CA10: variants seen among roughly 807,000 people sequenced by gnomAD.
The protein encoded by CA10 is carbonic anhydrase 10 (inactive), also known as carbonic anhydrase-related protein 10.
In CA10, 14 loss-of-function variants were observed where a neutral mutation model predicts 44.2. That is an observed-to-expected ratio of 0.32 (90% CI 0.21 to 0.50). The LOEUF (loss-of-function observed/expected upper bound fraction) is 0.50, where lower values mean the gene tolerates loss of function less well. Among genes scored for constraint, CA10 ranks in the 20% least tolerant of loss-of-function variants. CA10 has a pLI of 0.99. For synonymous variants in CA10, 159 were observed against 141.6 expected (o/e 1.12, Z -0.87); for missense variants, 350 against 409.7 (o/e 0.85, Z 1.26).
intron 3 of CA10, among the ~76,000 whole-genome samples, chr17:51,760,245 T>C (rs1415746831): frequency 6.6e-6 from 1 of 152,184 alleles, no homozygotes; most frequent in Admixed American, 6.5e-5. Flanking sequence ...AAATAGCAAA[T>C]GTTTGGGGGA....
intron 2 of CA10, chr17:52,070,375 C>T (rs1598198848): frequency 6.6e-6 from 1 of 152,322 alleles, no homozygotes; most frequent in East Asian, 1.9e-4. Flanking sequence ...TATACTGACT[C>T]AACATGCACC....
intron 1 of CA10, among the ~76,000 whole-genome samples, chr17:52,092,003 C>A (rs559482787): frequency 3.9e-5 from 6 of 152,328 alleles, no homozygotes; most frequent in Non-Finnish European, 7.4e-5. Flanking sequence ...ACACAAACTT[C>A]TACATACCGA....
chr17:51,674,969 T>C (rs868218030), intron 4 of CA10, among the ~76,000 whole-genome samples: 1 of 152,188 alleles, frequency 6.6e-6, no homozygotes, highest in African/African-American at 2.4e-5. Context: ...TGTAAGAAAA[T>C]TGCGCTGCTG....
chr17:52,152,426 C>A (rs1199176993), intron 1 of CA10, among the ~76,000 whole-genome samples: 1 of 152,104 alleles, frequency 6.6e-6, no homozygotes, highest in Non-Finnish European at 1.5e-5. Flanking sequence ...CTTTAGCGTA[C>A]ATCCTCTTGT....
intron 3 of CA10, among the ~76,000 whole-genome samples, chr17:51,842,681 T>G (rs981974740): frequency 1.3e-5 from 2 of 152,166 alleles, no homozygotes; most frequent in Non-Finnish European, 2.9e-5. Context: ...TATGTATAAC[T>G]GATCATTTAT....
chr17:52,058,085 T>A (rs1567718716), intron 2 of CA10, among the ~76,000 whole-genome samples: 1 of 152,062 alleles, frequency 6.6e-6, no homozygotes, highest in Admixed American at 6.6e-5. Flanking sequence ...AGTGCTGAAA[T>A]ATATATGCAG....
chr17:51,661,982 T>C (rs1239570090), intron 4 of CA10: 2 of 152,230 alleles, frequency 1.3e-5, no homozygotes, highest in Non-Finnish European at 2.9e-5. Context: ...TGGGTTCCAG[T>C]AAAGCTACAG....
intron 4 of CA10, among the ~76,000 whole-genome samples, chr17:51,675,689 C>T (rs961517673): frequency 2.6e-5 from 4 of 151,530 alleles, no homozygotes; most frequent in African/African-American, 9.7e-5. Context: ...GTACTCCAGC[C>T]TGGGCGAAAG....
intron 3 of CA10, among the ~76,000 whole-genome samples, chr17:51,805,145 C>T (rs564705608): frequency 3.9e-5 from 6 of 152,334 alleles, no homozygotes; most frequent in South Asian, 2.1e-4. Flanking sequence ...GTTCCAGCTA[C>T]GTTTGCCACT....
At chr17:51,909,726 T>C (rs1981712422) in intron 3 of CA10, among the ~76,000 whole-genome samples, 1 of 152,146 alleles carries the variant, frequency 6.6e-6, no homozygotes, top group Non-Finnish European at 1.5e-5. Context: ...AAAAGCATCC[T>C]ATTCTCTTAG....
Position 51,794,606 on chromosome 17 carries a change from A to G in CA10, c.280-46788T>C, listed in dbSNP as rs116891924. 5.4e-3 allele frequency among the ~76,000 whole-genome samples: 819 copies of G among 152,374 alleles called. 5 individuals carry two copies. The highest frequency in any genetic ancestry group is 8.9e-3 in the Non-Finnish European group (608 of 68,036). On this transcript the variant is annotated intron_variant, in intron 3 of 8. Transcript: ENST00000451037. ...ACCATATAAGTATCATGTGTTATATATCTATATATACACTACATATAACAT... is the reference window on the plus strand; with the variant it reads ...ACCATATAAGTATCATGTGTTATATGTCTATATATACACTACATATAACAT...
rs1276980005 is a variant in CA10, at chr17:51,821,091, C to CCCTCCCTTCCTT, written c.280-73274_280-73273insAAGGAAGGGAGG. On this transcript the variant is annotated intron_variant, in intron 3 of 8. Coordinates refer to ENST00000451037, the MANE Select transcript of CA10 (RefSeq NM_020178.5). Reference sequence around the variant, plus strand: ...TCCCTTCCTTCCTCCCTCCCTCCCTCCCTTCCTTCCTTCCTTCCTTTCCTT... The same window carrying CCCTCCCTTCCTT: ...TCCCTTCCTTCCTCCCTCCCTCCCTCCCTCCCTTCCTTCCTTCCTTCCTTCCTTCCTTTCCTT... Among the ~76,000 whole-genome samples the CCCTCCCTTCCTT allele has an allele frequency of 2.6e-3, 305 of 116,148 alleles. 3 individuals carry two copies. The highest frequency in any genetic ancestry group is 0.011 in the African/African-American group (288 of 26,008). The allele number at this position is 116,148 out of a possible 152,430, so 76.2% of individuals were successfully genotyped here. A position where few individuals can be genotyped will look rare whatever the true frequency, so the allele number is the denominator to read the frequency against.
chr17:52,110,327 G>A (rs1048207345), intron 1 of CA10, among the ~76,000 whole-genome samples: 1 of 152,198 alleles, frequency 6.6e-6, no homozygotes, highest in Non-Finnish European at 1.5e-5. Flanking sequence ...GATAAAATGA[G>A]TCCTCTGGAG....
intron 2 of CA10, among the ~76,000 whole-genome samples, chr17:51,994,745 T>C (rs1047565219): frequency 6.6e-6 from 1 of 152,054 alleles, no homozygotes; most frequent in Non-Finnish European, 1.5e-5. Context: ...TTAAAAATTA[T>C]AGGGAAATCT....
rs149215090 is a variant in CA10, at chr17:51,844,680, T to C, written c.279+86310A>G. ...GCATAACAGGTTTCTGGAATGGAAG[T>C]GTAACACTGTGCTTGAGGTAGTTTC... is the stretch of plus-strand genomic sequence containing the variant. On this transcript the variant is annotated intron_variant, in intron 3 of 8. Coordinates refer to ENST00000451037, the MANE Select transcript of CA10 (RefSeq NM_020178.5). 2.6e-4 allele frequency among the ~76,000 whole-genome samples: 39 copies of C among 152,260 alleles called. No individual in the cohort carries two copies. The East Asian group carries it at 6.8e-3, about 26-fold the overall frequency.
At chr17:51,799,939 T>C (rs1431844642) in intron 3 of CA10, among the ~76,000 whole-genome samples, 2 of 152,212 alleles carry the variant, frequency 1.3e-5, no homozygotes, top group East Asian at 3.9e-4. Flanking sequence ...GCAGCCACTT[T>C]AGAAAACAGT....
rs150888145 is a variant in CA10, at chr17:51,922,446, T to A, written c.279+8544A>T. 2.0e-5 allele frequency among the ~76,000 whole-genome samples: 3 copies of A among 152,294 alleles called. No individual in the cohort carries two copies. The East Asian group carries it at 5.8e-4, about 29-fold the overall frequency. On this transcript the variant is annotated intron_variant, in intron 3 of 8. Coordinates refer to ENST00000451037, the MANE Select transcript of CA10 (RefSeq NM_020178.5). ...CCTGCTTTCCTCTAACCACAACTTT[T>A]TAAAGTGCTCCTCATTTTCTGGAAA...
chr17:52,000,088 A>G (rs1985371028), intron 2 of CA10, among the ~76,000 whole-genome samples: 1 of 152,080 alleles, frequency 6.6e-6, no homozygotes, highest in African/African-American at 2.4e-5. Context: ...TAATTCACAA[A>G]ATAGGCAATT....
intron 1 of CA10, among the ~76,000 whole-genome samples, chr17:52,091,917 T>C (rs1472465828): frequency 6.6e-6 from 1 of 152,200 alleles, no homozygotes; most frequent in African/African-American, 2.4e-5. Flanking sequence ...TTATAAGCCA[T>C]GGGTAAAATG....
Sources: allele counts gnomAD v4.1 joint callset (sites outside exome capture counted in the v4.1 genomes callset), GRCh38; gene constraint gnomAD v4.1.1; transcripts MANE v1.5; gene names NCBI Gene and HGNC (gene_info 2026-07-23, HGNC 2026-07-21).